Variants in PIP4K2A observed in about 807,000 individuals in gnomAD.
PIP4K2A encodes phosphatidylinositol-5-phosphate 4-kinase type 2 alpha.
A neutral mutation model predicts 42.9 loss-of-function variants in PIP4K2A; 14 were observed. The observed-to-expected ratio is 0.33, with a 90% confidence interval of 0.22 to 0.51. The LOEUF is 0.51. PIP4K2A is among the 20% of genes least tolerant of loss of function. The pLI is 0.97. For synonymous variants in PIP4K2A, 192 were observed against 192.2 expected, an observed-to-expected ratio of 1.00 and a Z score of 0.01; for missense variants, 434 against 519.8, an observed-to-expected ratio of 0.83 and a Z score of 1.61.
At chr10:22,587,030 C>A in intron 4 of PIP4K2A, among the ~76,000 whole-genome samples, 1 of 152,258 alleles carries the variant, frequency 6.6e-6, no homozygotes, top group Admixed American at 6.5e-5. Context: ...CTGGCTGGCT[C>A]CAAGTCCTTG....
At chr10:22,617,339 G>A (rs962292790) in intron 1 of PIP4K2A, among the ~76,000 whole-genome samples, 7 of 152,144 alleles carry the variant, frequency 4.6e-5, no homozygotes, top group African/African-American at 1.7e-4. Flanking sequence ...CTGAAATTAC[G>A]GCATACAGGG....
chr10:22,649,833 T>C (rs747820504), intron 1 of PIP4K2A, among the ~76,000 whole-genome samples: 6 of 152,200 alleles, frequency 3.9e-5, no homozygotes, highest in East Asian at 1.9e-4. Context: ...AAAATACTTA[T>C]GTAGATTCAT....
intron 4 of PIP4K2A, among the ~76,000 whole-genome samples, chr10:22,581,945 C>T (rs1425810333): frequency 6.6e-6 from 1 of 151,632 alleles, no homozygotes; most frequent in Non-Finnish European, 1.5e-5. Context: ...GACCCCATCT[C>T]TACAAAAAAA....
chr10:22,663,704 T>A (rs998292524), intron 1 of PIP4K2A, among the ~76,000 whole-genome samples: 5 of 152,026 alleles, frequency 3.3e-5, no homozygotes, highest in African/African-American at 1.2e-4. Flanking sequence ...TCCATAAATA[T>A]TTTTATAAAA....
chr10:22,671,797 A>G (rs1477218933), intron 1 of PIP4K2A, among the ~76,000 whole-genome samples: 1 of 148,988 alleles, frequency 6.7e-6, no homozygotes, highest in African/African-American at 2.5e-5. Context: ...CTCTCCTCCA[A>G]GAATATTTTT....
At chr10:22,584,735 G>A (rs1376191440) in intron 4 of PIP4K2A, among the ~76,000 whole-genome samples, 1 of 152,210 alleles carries the variant, frequency 6.6e-6, no homozygotes, top group Admixed American at 6.5e-5. Context: ...TAAGAGAGAA[G>A]CAAGACGTGT....
At chr10:22,693,724 T>C (rs981498300) in intron 1 of PIP4K2A, among the ~76,000 whole-genome samples, 3 of 152,130 alleles carry the variant, frequency 2.0e-5, no homozygotes, top group Non-Finnish European at 4.4e-5. Context: ...TGGTGCTGCG[T>C]TGGGAGACAT....
At chr10:22,584,650 G>C (rs1370560936) in intron 4 of PIP4K2A, among the ~76,000 whole-genome samples, 1 of 152,144 alleles carries the variant, frequency 6.6e-6, no homozygotes, top group African/African-American at 2.4e-5. Context: ...GGCTACAAAT[G>C]ACGCCATCGG....
intron 7 of PIP4K2A, among the ~76,000 whole-genome samples, chr10:22,544,350 C>T (rs1376325591): frequency 6.6e-6 from 1 of 152,170 alleles, no homozygotes; most frequent in Non-Finnish European, 1.5e-5. Context: ...GGTGGGCCCA[C>T]TTCTCCCTGC....
intron 1 of PIP4K2A, among the ~76,000 whole-genome samples, chr10:22,703,066 C>T (rs957776243): frequency 4.6e-5 from 7 of 152,194 alleles, no homozygotes; most frequent in South Asian, 2.1e-4. Flanking sequence ...GAAGGCAACC[C>T]CTTAGCTAAG....
intron 1 of PIP4K2A, among the ~76,000 whole-genome samples, chr10:22,682,311 G>T (rs760150496): frequency 2.6e-5 from 4 of 152,076 alleles, no homozygotes; most frequent in Non-Finnish European, 5.9e-5. Flanking sequence ...TTTTAACCTA[G>T]CAACTATCAG....
At chr10:22,580,440 A>C (rs944740892) in intron 4 of PIP4K2A, among the ~76,000 whole-genome samples, 1 of 152,010 alleles carries the variant, frequency 6.6e-6, no homozygotes. Flanking sequence ...ACTTGAGCCC[A>C]GGAGTTTGAG....
intron 3 of PIP4K2A, among the ~76,000 whole-genome samples, chr10:22,605,079 C>T (rs117144049): frequency 6.6e-6 from 1 of 152,268 alleles, no homozygotes; most frequent in East Asian, 1.9e-4. Context: ...GGTCCCTGAC[C>T]CTACTGAAGA....
intron 1 of PIP4K2A, among the ~76,000 whole-genome samples, chr10:22,635,352 G>A (rs1436838862): frequency 6.6e-6 from 1 of 152,146 alleles, no homozygotes; most frequent in East Asian, 1.9e-4. Context: ...GTGTCTGGAA[G>A]GGCTTTGTGG....
intron 1 of PIP4K2A, among the ~76,000 whole-genome samples, chr10:22,645,550 A>T (rs1290473086): frequency 4.0e-5 from 3 of 75,548 alleles, no homozygotes; most frequent in South Asian, 4.8e-4. Context: ...CTATTTCTTT[A>T]AAAAAAAAAA....
At chr10:22,580,497 T>G (rs145561029) in intron 4 of PIP4K2A, among the ~76,000 whole-genome samples, 1 of 151,522 alleles carries the variant, frequency 6.6e-6, no homozygotes, top group Non-Finnish European at 1.5e-5. Context: ...AAAAAGAAAA[T>G]AAAAGAAAGA....
intron 1 of PIP4K2A, among the ~76,000 whole-genome samples, chr10:22,685,934 C>G (rs1003928016): frequency 6.6e-6 from 1 of 152,152 alleles, no homozygotes; most frequent in African/African-American, 2.4e-5. Context: ...AATTACAGTT[C>G]TCTAATTTAC....
chr10:22,565,494 T>C (rs1005640822), intron 6 of PIP4K2A, among the ~76,000 whole-genome samples: 5 of 152,236 alleles, frequency 3.3e-5, no homozygotes, highest in African/African-American at 1.2e-4. Context: ...ACCCTTGTGC[T>C]TTCCTATGCC....
intron 1 of PIP4K2A, among the ~76,000 whole-genome samples, chr10:22,681,395 C>G (rs1839657564): frequency 6.6e-6 from 1 of 152,234 alleles, no homozygotes; most frequent in Admixed American, 6.5e-5. Flanking sequence ...GCTTCTCAGC[C>G]AGACACAGTG....
Sources: allele counts gnomAD v4.1 joint callset (sites outside exome capture counted in the v4.1 genomes callset), GRCh38; gene constraint gnomAD v4.1.1; transcripts MANE v1.5; gene names NCBI Gene and HGNC (gene_info 2026-07-23, HGNC 2026-07-21).